SORCS2: variants seen among roughly 807,000 people sequenced by gnomAD.
The protein encoded by SORCS2 is sortilin related VPS10 domain containing receptor 2, also known as VPS10 domain-containing receptor SorCS2.
A neutral mutation model predicts 141.6 loss-of-function variants in SORCS2; 100 were observed. The observed-to-expected ratio is 0.71, with a 90% CI of 0.60 to 0.83. SORCS2 has a LOEUF of 0.83. SORCS2 is among the 40% of genes least tolerant of loss of function. The pLI, the probability that SORCS2 is intolerant of heterozygous loss-of-function variation, is 0.00. For missense variants in SORCS2, 1,646 were observed against 1,560.2 expected (o/e 1.05, Z -0.93); for synonymous variants, 789 against 676.9 (o/e 1.17, Z -2.57).
At chr4:7,341,966 C>T (rs142345693) in intron 1 of SORCS2, among the ~76,000 whole-genome samples, 2 of 152,350 alleles carry the variant, frequency 1.3e-5, no homozygotes, top group East Asian at 3.9e-4. Flanking sequence ...TCTTTTGCTT[C>T]TGCCTTCCTT....
At chr4:7,655,423 C>A (rs1478910817) in intron 5 of SORCS2, among the ~76,000 whole-genome samples, 1 of 152,224 alleles carries the variant, frequency 6.6e-6, no homozygotes, top group African/African-American at 2.4e-5. Flanking sequence ...GCCTTCCGTT[C>A]CAAAGCTCCA....
chr4:7,442,791 G>C (rs1035513068), intron 2 of SORCS2, among the ~76,000 whole-genome samples: 1 of 151,616 alleles, frequency 6.6e-6, no homozygotes, highest in East Asian at 2.0e-4. Flanking sequence ...CAGTATGGAG[G>C]TTCCTCAGGC....
At chr4:7,306,240 G>T (rs1404656691) in intron 1 of SORCS2, among the ~76,000 whole-genome samples, 1 of 152,174 alleles carries the variant, frequency 6.6e-6, no homozygotes, top group Non-Finnish European at 1.5e-5. Context: ...AGAGCCCACA[G>T]TCGGCTGGCT....
intron 11 of SORCS2, among the ~76,000 whole-genome samples, chr4:7,696,888 C>T (rs1459519866): frequency 6.6e-6 from 1 of 152,226 alleles, no homozygotes; most frequent in Non-Finnish European, 1.5e-5. Flanking sequence ...CCTCTCCAGC[C>T]CATCCCTAGC....
At chr4:7,665,756 T>A (rs1722464205) in intron 7 of SORCS2, among the ~76,000 whole-genome samples, 6 of 152,182 alleles carry the variant, frequency 3.9e-5, no homozygotes, top group Admixed American at 3.9e-4. Context: ...TTTCTGCAGA[T>A]GTCCACTAAG....
intron 14 of SORCS2, among the ~76,000 whole-genome samples, chr4:7,709,905 C>A (rs1725713015): frequency 6.6e-6 from 1 of 152,206 alleles, no homozygotes; most frequent in African/African-American, 2.4e-5. Flanking sequence ...TCCCTGGCTA[C>A]ATGGTTCACC....
chr4:7,687,416 A>G (rs1577074873), intron 10 of SORCS2, among the ~76,000 whole-genome samples: 1 of 152,134 alleles, frequency 6.6e-6, no homozygotes, highest in Non-Finnish European at 1.5e-5. Flanking sequence ...CTGCTTTTCC[A>G]CTGTAAGAAA....
chr4:7,351,433 C>T (rs1167884846), intron 1 of SORCS2, among the ~76,000 whole-genome samples: 2 of 152,200 alleles, frequency 1.3e-5, no homozygotes, highest in African/African-American at 4.8e-5. Flanking sequence ...AGGGTCTTCT[C>T]CACACTGTCT....
rs113633749 is a variant in SORCS2, at chr4:7,706,406, C to T, written c.1868+2122C>T. Among the ~76,000 whole-genome samples, 196 of 98,038 alleles carry T rather than the reference C, an allele frequency of 2.0e-3. 2 individuals carry two copies. The highest frequency in any genetic ancestry group is 2.4e-3 in the South Asian group (7 of 2,870). The allele number at this position is 98,038 out of a possible 152,430, so 64.3% of individuals were successfully genotyped here. On this transcript the variant is annotated intron_variant, in intron 14 of 26. Coordinates refer to ENST00000507866, the MANE Select transcript of SORCS2 (RefSeq NM_020777.3). ...TGGGCAGGGATGAGGCTGGGCTCTG[C>T]CTGGACAGAGATGAGGCTGGGCTCT...
chr4:7,382,131 G>A, intron 1 of SORCS2: 1 of 321,004 alleles, frequency 3.1e-6, no homozygotes, highest in Non-Finnish European at 4.5e-6. Context: ...GTGGAGCGGG[G>A]AGGCATTTTG....
chr4:7,674,962 C>G (rs1723024314), intron 8 of SORCS2, among the ~76,000 whole-genome samples: 1 of 152,190 alleles, frequency 6.6e-6, no homozygotes, highest in South Asian at 2.1e-4. Context: ...CTGTCCTCTG[C>G]CCCTGGACCT....
At chr4:7,403,981 ATATATATATATATATATTTTTTTTT>A (rs991503065) in intron 2 of SORCS2, among the ~76,000 whole-genome samples, 1 of 16,844 alleles carries the variant, frequency 5.9e-5, no homozygotes, top group Non-Finnish European at 1.3e-4. Flanking sequence ...ATATATATAT[ATATATATATATATATATTTTTTTTT>A]TTTTTTTAGT....
intron 21 of SORCS2, among the ~76,000 whole-genome samples, chr4:7,728,009 C>A (rs1395433459): frequency 1.3e-5 from 2 of 152,218 alleles, no homozygotes; most frequent in Non-Finnish European, 2.9e-5. Context: ...TCTCACAGAG[C>A]AGGCTTGGTG....
rs773503543 is a variant in SORCS2, at chr4:7,664,554, A to G, written c.1071+83A>G. On this transcript the variant is annotated intron_variant, in intron 7 of 26. Coordinates refer to ENST00000507866, the MANE Select transcript of SORCS2 (RefSeq NM_020777.3). This position sits in a 1 kb window ranked among gnomAD's most constrained non-coding sequence, Gnocchi z 4.7. ...GTTCGCGGCAAAAATGGCATCGCTC[A>G]GAAAAGAGGCAATAAAACGGGTATT... The G allele has an allele frequency of 3.1e-6, 3 of 953,250 alleles. No homozygotes were observed. Among genetic ancestry groups the G allele is most frequent in the Non-Finnish European group, 4.8e-6 (3 of 627,140 alleles). 59.0% of individuals were successfully genotyped at this position (953,250 alleles called of 1,614,324 possible). A position where few individuals can be genotyped will look rare whatever the true frequency, so the allele number is the denominator to read the frequency against.
chr4:7,394,753 A>G (rs1724096294), intron 1 of SORCS2, among the ~76,000 whole-genome samples: 1 of 152,070 alleles, frequency 6.6e-6, no homozygotes, highest in Non-Finnish European at 1.5e-5. Context: ...CCCCAAACCC[A>G]GCAGTCTGCA....
intron 1 of SORCS2, among the ~76,000 whole-genome samples, chr4:7,295,806 A>G (rs947724785): frequency 1.6e-4 from 25 of 152,196 alleles, no homozygotes; most frequent in African/African-American, 5.1e-4. Context: ...CACCTGTCCA[A>G]TGGGCATTCC....
rs1228731430 is a variant in SORCS2, at chr4:7,614,146, C to T, written c.649-24182C>T. On this transcript the variant is annotated intron_variant, in intron 3 of 26. Coordinates refer to ENST00000507866, the MANE Select transcript of SORCS2 (RefSeq NM_020777.3). ...CCACTGTCCATCCATCCCATCCATC[C>T]CTCTACCCATCCACCCATCCACCAT... Among the ~76,000 whole-genome samples the T allele has an allele frequency of 2.7e-5, 4 of 150,490 alleles. No homozygotes were observed. In the East Asian group the frequency reaches 8.0e-4, roughly 30 times the overall value.
intron 8 of SORCS2, among the ~76,000 whole-genome samples, chr4:7,674,764 G>A (rs1486881647): frequency 6.7e-6 from 1 of 149,816 alleles, no homozygotes; most frequent in Non-Finnish European, 1.5e-5. Flanking sequence ...TGAAAACTGA[G>A]CTCCACTGGA....
At chr4:7,235,809 A>G (rs1354371762) in intron 1 of SORCS2, among the ~76,000 whole-genome samples, 2 of 152,176 alleles carry the variant, frequency 1.3e-5, no homozygotes, top group Non-Finnish European at 2.9e-5. Flanking sequence ...CGTTTGCTGC[A>G]AAGGTGAGAT....
Sources: gnomAD v4.1 joint callset for allele counts (sites outside exome capture counted in the v4.1 genomes callset) on GRCh38, gnomAD v4.1.1 for gene constraint, Gnocchi (gnomAD v3.1) non-coding constraint, MANE v1.5 for transcripts, NCBI Gene and HGNC (gene_info 2026-07-23, HGNC 2026-07-21) for gene names.